FABP4: variants seen among roughly 807,000 people sequenced by gnomAD.
The protein encoded by FABP4 is fatty acid-binding protein, adipocyte.
Under a neutral mutation model 14.6 loss-of-function variants are expected in FABP4, and 17 were observed. That is an observed-to-expected ratio of 1.16 (90% CI 0.80 to 1.74). The LOEUF (loss-of-function observed/expected upper bound fraction) is 1.74. FABP4 is among the 40% of genes most tolerant of loss of function. The pLI is 0.00. For synonymous variants in FABP4, 54 were observed against 54.6 expected (o/e 0.99, Z 0.05); for missense variants, 149 against 160.3 (o/e 0.93, Z 0.38).
chr8:81,482,628 A>G (rs1254977897), intron 1 of FABP4, among the ~76,000 whole-genome samples: 1 of 152,214 alleles, frequency 6.6e-6, no homozygotes, highest in African/African-American at 2.4e-5. Flanking sequence ...CATTGAGACA[A>G]GAAAATAATT....
rs1808007716 is a variant in FABP4, at chr8:81,478,643, G to A, written c.*222C>T. On this transcript the variant is annotated 3_prime_UTR_variant, in exon 4 of 4. Coordinates refer to ENST00000256104, the MANE Select transcript of FABP4 (RefSeq NM_001442.3). ...TTTCCCATTTCCTTCACTCAGTTAT[G>A]ACTAAGAATACATCATAAGCACAAT... is the stretch of plus-strand genomic sequence containing the variant. 3 of 418,412 alleles carry A rather than the reference G, an allele frequency of 7.2e-6. No individual in the cohort carries two copies. Among genetic ancestry groups the A allele is most frequent in the Non-Finnish European group, 1.3e-5 (3 of 233,404 alleles). 25.9% of individuals were successfully genotyped at this position (418,412 alleles called of 1,614,324 possible).
Position 81,478,647 on chromosome 8 carries a change from A to G in FABP4, c.*218T>C. 2.3e-6 allele frequency: 1 copy of G among 431,338 alleles called. No individual in the cohort carries two copies. The highest frequency in any genetic ancestry group is 3.5e-5 in the East Asian group (1 of 28,900). 26.7% of individuals were successfully genotyped at this position (431,338 alleles called of 1,614,324 possible). On this transcript the variant is annotated 3_prime_UTR_variant, in exon 4 of 4. Transcript: ENST00000256104. ...CCATTTCCTTCACTCAGTTATGACT[A>G]AGAATACATCATAAGCACAATGAAT...
chr8:81,478,979 T>C (rs1808018666), intron 3 of FABP4, 64 bp from the exon 4 acceptor site: 2 of 1,364,492 alleles, frequency 1.5e-6, no homozygotes, highest in Non-Finnish European at 1.0e-6. Flanking sequence ...TTATTGTCTC[T>C]CTGAATGTTG....
chr8:81,483,209 G>C lies in FABP4; in HGVS notation c.-42C>G, dbSNP rs764440778. On this transcript the variant is annotated 5_prime_UTR_variant, in exon 1 of 4. Transcript: ENST00000256104. The stretch of plus-strand genomic sequence containing the variant: ...GATTATTCTTCAAGGTGAGAAGGAA[G>C]CTGCAGTTTTCAGGAGGGTGCTGTG... 2 of 1,548,988 alleles carry C rather than the reference G, an allele frequency of 1.3e-6. No homozygotes were observed. Among genetic ancestry groups the C allele is most frequent in the South Asian group, 2.3e-5 (2 of 86,122 alleles).
intron 2 of FABP4, chr8:81,479,809 T>C: frequency 4.4e-6 from 1 of 226,042 alleles, no homozygotes; most frequent in Non-Finnish European, 8.5e-6. Flanking sequence ...ATTTCTTTCT[T>C]CCATTTTTAT....
At chr8:81,482,614 T>A (rs1288912350) in intron 1 of FABP4, among the ~76,000 whole-genome samples, 1 of 152,198 alleles carries the variant, frequency 6.6e-6, no homozygotes, top group African/African-American at 2.4e-5. Flanking sequence ...TTTTAATAGA[T>A]TAACATTGAG....
intron 2 of FABP4, among the ~76,000 whole-genome samples, 187 bp downstream of exon 2, chr8:81,480,239 A>C (rs1262483364): frequency 6.6e-6 from 1 of 152,176 alleles, no homozygotes; most frequent in Non-Finnish European, 1.5e-5. Flanking sequence ...TAACATGAGG[A>C]CAACTTAATA....
At chr8:81,479,609 C>T in intron 2 of FABP4, 94 bp from the exon 3 acceptor site, 2 of 786,406 alleles carry the variant, frequency 2.5e-6, no homozygotes, top group South Asian at 1.8e-5. Context: ...ATTTTGAGGT[C>T]ATTAGTAATT....
intron 1 of FABP4, among the ~76,000 whole-genome samples, chr8:81,481,953 AC>A (rs1808084630): frequency 6.6e-6 from 1 of 152,198 alleles, no homozygotes; most frequent in African/African-American, 2.4e-5. Context: ...TAATTTAAAA[AC>A]ACAGTATTAT....
In FABP4 at chr8:81,483,098, C is replaced by G; in HGVS notation, c.70G>C (p.Val24Leu). 6.2e-7 allele frequency: 1 copy of G among 1,607,396 alleles called. No individual in the cohort carries two copies. The highest frequency in any genetic ancestry group is 8.5e-7 in the Non-Finnish European group (1 of 1,176,060). ...ATTCCACAACGCATTTCCTTACCTA[C>G]TTCTTTCATATAATCATCAAAGTTT... The part of the protein sequence containing the change: ...SENFDDYMKE[V>L]GVGFATRKVA... Residue 24 changes from valine (V) to leucine (L), a missense_variant, in exon 1 of 4, where the codon GTA (valine) becomes CTA (leucine). Transcript: ENST00000256104.
Position 81,478,915 on chromosome 8 carries a change from C to G in FABP4, c.349G>C (p.Glu117Gln). 6.2e-7 allele frequency: 1 copy of G among 1,612,696 alleles called. No individual in the cohort carries two copies. Among genetic ancestry groups the G allele is most frequent in the Non-Finnish European group, 8.5e-7 (1 of 1,179,170 alleles). Residue 117 changes from glutamate to glutamine, a missense_variant and splice_region_variant, in exon 4 of 4, where the codon GAA (glutamate) becomes CAA (glutamine). By Grantham distance (29) the Glu-to-Gln change is conservative. Transcript: ENST00000256104. ...RKREDDKLVV[E>Q]CVMKGVTSTR... ...GAAGTGACGCCTTTCATGACGCATTCCTAGACACAAAAAACAATTCTTGGT... is the reference window on the plus strand; with the variant it reads ...GAAGTGACGCCTTTCATGACGCATTGCTAGACACAAAAAACAATTCTTGGT...
At chr8:81,481,272 A>ACCCT (rs1808075627) in intron 1 of FABP4, among the ~76,000 whole-genome samples, 1 of 152,194 alleles carries the variant, frequency 6.6e-6, no homozygotes, top group African/African-American at 2.4e-5. Flanking sequence ...TGGTGATATC[A>ACCCT]TTGCTAATAA....
At chr8:81,482,955 A>C (rs1808102502) in intron 1 of FABP4, 140 bp downstream of exon 1, 1 of 516,208 alleles carries the variant, frequency 1.9e-6, no homozygotes, top group South Asian at 4.0e-5. Flanking sequence ...ATCACTTGCT[A>C]TGTGTGCAGC....
intron 3 of FABP4, 36 bp downstream of exon 3, chr8:81,479,378 G>C: frequency 6.7e-7 from 1 of 1,502,402 alleles, no homozygotes. Flanking sequence ...TAACCTAGCA[G>C]TAAGATCCAG....
intron 1 of FABP4, 51 bp from the exon 2 acceptor site, chr8:81,480,649 T>C (rs1417656904): frequency 1.3e-6 from 2 of 1,531,944 alleles, no homozygotes; most frequent in Middle Eastern, 1.8e-4. Context: ...TCTCACGTAC[T>C]TATCCAAGTC....
chr8:81,478,758 A>T lies in FABP4; in HGVS notation c.*107T>A. On this transcript the variant is annotated 3_prime_UTR_variant, in exon 4 of 4. Transcript: ENST00000256104. ...AATAAAATCAGCTTGGGAGAAAATT[A>T]GTTGCTTGCTAAATCATGGAAAACA... 1 of 1,015,262 alleles carries T rather than the reference A, an allele frequency of 9.8e-7. No individual in the cohort carries two copies. Among genetic ancestry groups the T allele is most frequent in the Non-Finnish European group, 1.4e-6 (1 of 690,358 alleles). The allele number at this position is 1,015,262 out of a possible 1,614,324, so 62.9% of individuals were successfully genotyped here. A position where few individuals can be genotyped will look rare whatever the true frequency, so the allele number is the denominator to read the frequency against.
At chr8:81,479,375 G>T in intron 3 of FABP4, 39 bp downstream of exon 3, 2 of 1,454,772 alleles carry the variant, frequency 1.4e-6, no homozygotes, top group Non-Finnish European at 1.9e-6. Flanking sequence ...AGATAACCTA[G>T]CAGTAAGATC....
chr8:81,478,986 G>A (rs1808018785), intron 3 of FABP4, 71 bp from the exon 4 acceptor site: 2 of 1,292,278 alleles, frequency 1.5e-6, no homozygotes, highest in Non-Finnish European at 2.2e-6. Context: ...CTCTCTGAAT[G>A]TTGGGAATAA....
intron 1 of FABP4, among the ~76,000 whole-genome samples, chr8:81,482,302 G>T (rs1294556027): frequency 2.6e-5 from 4 of 152,190 alleles, no homozygotes; most frequent in African/African-American, 9.6e-5. Context: ...CATGCATGGG[G>T]TTGAGGGAGA....
Sources: allele counts gnomAD v4.1 joint callset (sites outside exome capture counted in the v4.1 genomes callset), GRCh38; gene constraint gnomAD v4.1.1; transcripts MANE v1.5; gene names NCBI Gene and HGNC (gene_info 2026-07-23, HGNC 2026-07-21).